TBC1D1: variants seen among roughly 807,000 people sequenced by gnomAD.
TBC1D1 encodes TBC1 domain family member 1, also known as TBC1 (tre-2/USP6, BUB2, cdc16) domain family, member 1.
TBC1D1 carries 89 observed loss-of-function variants against 125.6 expected under a neutral mutation model. That is an observed-to-expected ratio of 0.71 (90% CI 0.60 to 0.85). The LOEUF is 0.85. Ranked by LOEUF, TBC1D1 falls within the 40% of genes least tolerant of loss-of-function variation. TBC1D1 has a pLI of 0.00. For synonymous variants in TBC1D1, 565 were observed against 564.1 expected, an observed-to-expected ratio of 1.00 and a Z score of -0.02; for missense variants, 1,377 against 1,469.2, an observed-to-expected ratio of 0.94 and a Z score of 1.03.
chr4:37,919,233 T>C (rs1296608000), intron 2 of TBC1D1, among the ~76,000 whole-genome samples: 1 of 151,724 alleles, frequency 6.6e-6, no homozygotes, highest in Non-Finnish European at 1.5e-5. Flanking sequence ...AGTGGTGTGA[T>C]CTCGGCTCAC....
At chr4:37,957,428 T>G (rs1388777473) in intron 2 of TBC1D1, among the ~76,000 whole-genome samples, 1 of 152,154 alleles carries the variant, frequency 6.6e-6, no homozygotes, top group Non-Finnish European at 1.5e-5. Flanking sequence ...AAGACCAGCC[T>G]GAGCAACACA....
intron 1 of TBC1D1, among the ~76,000 whole-genome samples, chr4:37,901,662 CTTGTCCCAGATCAGTTGTTT>C (rs1359158397): frequency 2.4e-3 from 114 of 48,378 alleles, no homozygotes; most frequent in South Asian, 5.1e-3. Context: ...AGTGATATTA[CTTGTCCCAGATCAGTTGTTT>C]AAAACTGAGG....
chr4:37,947,154 T>C (rs1726872845), intron 2 of TBC1D1, among the ~76,000 whole-genome samples: 1 of 152,132 alleles, frequency 6.6e-6, no homozygotes, highest in African/African-American at 2.4e-5. Flanking sequence ...TATTCATTTA[T>C]TTATGTGTTT....
intron 12 of TBC1D1, among the ~76,000 whole-genome samples, chr4:38,059,434 G>GT (rs1337577282): frequency 6.6e-6 from 1 of 152,232 alleles, no homozygotes; most frequent in Non-Finnish European, 1.5e-5. Context: ...CAAGGCAAAT[G>GT]TTTTTGTAAT....
chr4:38,069,575 TC>T (rs1382790116), intron 12 of TBC1D1, among the ~76,000 whole-genome samples: 4 of 152,234 alleles, frequency 2.6e-5, no homozygotes, highest in Non-Finnish European at 5.9e-5. Context: ...AATTTTTTTT[TC>T]CTCTCGGTCT....
At chr4:37,908,781 A>G (rs1717907713) in intron 2 of TBC1D1, among the ~76,000 whole-genome samples, 2 of 152,084 alleles carry the variant, frequency 1.3e-5, no homozygotes, top group Non-Finnish European at 1.5e-5. Context: ...GCTGGGAGAA[A>G]GGCTAAGTTT....
intron 1 of TBC1D1, among the ~76,000 whole-genome samples, chr4:37,899,035 A>G (rs1290821908): frequency 6.6e-6 from 1 of 152,208 alleles, no homozygotes; most frequent in Non-Finnish European, 1.5e-5. Flanking sequence ...TGGGGGAATT[A>G]TTAGAGAATT....
At chr4:38,035,890 C>A (rs1191324750) in intron 8 of TBC1D1, among the ~76,000 whole-genome samples, 192 bp downstream of exon 8, 1 of 152,108 alleles carries the variant, frequency 6.6e-6, no homozygotes, top group Admixed American at 6.5e-5. Context: ...AAGTTTCTGC[C>A]TGCACCATAG....
At chr4:38,101,578 T>C (rs1212524999) in intron 14 of TBC1D1, among the ~76,000 whole-genome samples, 1 of 152,224 alleles carries the variant, frequency 6.6e-6, no homozygotes, top group Non-Finnish European at 1.5e-5. Context: ...ACATTTTCTG[T>C]TTTTAGAGCT....
chr4:38,049,331 A>G (rs1410169999), intron 10 of TBC1D1, among the ~76,000 whole-genome samples: 1 of 152,184 alleles, frequency 6.6e-6, no homozygotes, highest in Non-Finnish European at 1.5e-5. Context: ...GAGAGAGGGC[A>G]CTATTCATGG....
chr4:37,996,824 C>G (rs748533832), intron 2 of TBC1D1, among the ~76,000 whole-genome samples: 1 of 152,186 alleles, frequency 6.6e-6, no homozygotes, highest in Non-Finnish European at 1.5e-5. Context: ...TACATTTGTG[C>G]AAGTTGCGGG....
intron 2 of TBC1D1, among the ~76,000 whole-genome samples, chr4:37,960,025 G>A (rs1729667849): frequency 6.6e-6 from 1 of 152,350 alleles, no homozygotes; most frequent in Admixed American, 6.5e-5. Context: ...TTAGTAAGAA[G>A]TGAAATAATG....
At chr4:37,939,237 A>G (rs1725029290) in intron 2 of TBC1D1, among the ~76,000 whole-genome samples, 1 of 152,210 alleles carries the variant, frequency 6.6e-6, no homozygotes, top group Admixed American at 6.5e-5. Context: ...GTGAGATGAT[A>G]TCTCATTGTG....
intron 8 of TBC1D1, among the ~76,000 whole-genome samples, chr4:38,038,369 C>T (rs879539264): frequency 6.6e-5 from 10 of 152,088 alleles, no homozygotes; most frequent in African/African-American, 9.7e-5. Flanking sequence ...CATATACCCA[C>T]CATCCAGATT....
intron 12 of TBC1D1, among the ~76,000 whole-genome samples, chr4:38,073,450 T>A (rs1755047241): frequency 6.6e-6 from 1 of 152,226 alleles, no homozygotes; most frequent in South Asian, 2.1e-4. Context: ...TCATTGTGGT[T>A]TTGATTTCCT....
intron 1 of TBC1D1, among the ~76,000 whole-genome samples, chr4:37,891,773 G>T (rs1386786665): frequency 6.6e-6 from 1 of 150,868 alleles, no homozygotes; most frequent in Non-Finnish European, 1.5e-5. Context: ...AGTAACTTTG[G>T]CAGCTCCACC....
intron 3 of TBC1D1, among the ~76,000 whole-genome samples, chr4:38,016,471 T>G (rs1012251800): frequency 6.6e-6 from 1 of 152,244 alleles, no homozygotes; most frequent in African/African-American, 2.4e-5. Context: ...AATGTTGACA[T>G]GGAGGAATAA....
chr4:38,138,716 T>C lies in TBC1D1; in HGVS notation c.*1381T>C, dbSNP rs1203920731. 1 of 152,658 alleles carries C rather than the reference T, an allele frequency of 6.6e-6. No individual in the cohort carries two copies. The highest frequency in any genetic ancestry group is 2.4e-5 in the African/African-American group (1 of 41,458). 9.5% of individuals were successfully genotyped at this position (152,658 alleles called of 1,614,324 possible). On this transcript the variant is annotated 3_prime_UTR_variant, in exon 20 of 20. Transcript: ENST00000261439. ...GGTCACTTCCTTGACAACACAATCA[T>C]TTCTGATCTTTATCACTGTAACCAC... is the stretch of plus-strand genomic sequence containing the variant.
At chr4:37,957,589 G>A (rs920360928) in intron 2 of TBC1D1, among the ~76,000 whole-genome samples, 10 of 152,148 alleles carry the variant, frequency 6.6e-5, no homozygotes, top group African/African-American at 2.4e-4. Context: ...CTCAGCAACA[G>A]AGCAAGGTCC....
Sources: allele counts gnomAD v4.1 joint callset (sites outside exome capture counted in the v4.1 genomes callset), GRCh38; gene constraint gnomAD v4.1.1; transcripts MANE v1.5; gene names NCBI Gene and HGNC (gene_info 2026-07-23, HGNC 2026-07-21).